Variants in FSTL4 observed in about 807,000 individuals in gnomAD.
FSTL4 encodes the protein follistatin like 4, also known as follistatin-related protein 4.
Under a neutral mutation model 78.2 loss-of-function variants are expected in FSTL4, and 28 were observed. The observed-to-expected ratio is 0.36, with a 90% confidence interval of 0.27 to 0.49. The LOEUF is 0.49. FSTL4 is among the 20% of genes least tolerant of loss of function. The pLI, the probability that FSTL4 is intolerant of heterozygous loss-of-function variation, is 0.98. For missense variants in FSTL4, 922 were observed against 1,084.9 expected (o/e 0.85, Z 2.11); for synonymous variants, 422 against 440.5 (o/e 0.96, Z 0.53).
the FSTL4 span, among the ~76,000 whole-genome samples, chr5:133,650,322 T>C: frequency 6.6e-6 from 1 of 152,216 alleles, no homozygotes. Context: ...AATTATTTCT[T>C]TTATGGGTTG....
intron 6 of FSTL4, among the ~76,000 whole-genome samples, chr5:133,307,639 C>T (rs903625247): frequency 1.3e-5 from 2 of 152,124 alleles, no homozygotes; most frequent in South Asian, 4.1e-4. Context: ...GACTGTGAAC[C>T]CTGTCCTCCA....
chr5:133,348,039 T>C (rs1011506899), intron 4 of FSTL4, among the ~76,000 whole-genome samples: 1 of 152,188 alleles, frequency 6.6e-6, no homozygotes, highest in Non-Finnish European at 1.5e-5. Context: ...GCCAGTGGTT[T>C]TTCATTTTCA....
intron 6 of FSTL4, among the ~76,000 whole-genome samples, chr5:133,296,809 G>A (rs28521242): frequency 0.035 from 5,396 of 152,318 alleles, 284 homozygotes; most frequent in African/African-American, 0.12. Context: ...GAGGGCAAGA[G>A]TTTTTGTCTG....
intron 13 of FSTL4, among the ~76,000 whole-genome samples, chr5:133,213,820 A>C (rs1227605293): frequency 2.0e-5 from 3 of 152,214 alleles, no homozygotes; most frequent in African/African-American, 7.2e-5. Flanking sequence ...TAAGATGATT[A>C]AATTAGATAA....
intron 3 of FSTL4, among the ~76,000 whole-genome samples, chr5:133,551,575 T>C (rs762381486): frequency 6.6e-6 from 1 of 152,218 alleles, no homozygotes; most frequent in African/African-American, 2.4e-5. Flanking sequence ...TCCGCTGAGA[T>C]GTCATCTCTC....
intron 4 of FSTL4, among the ~76,000 whole-genome samples, chr5:133,382,421 G>A (rs929448044): frequency 6.6e-6 from 1 of 152,202 alleles, no homozygotes; most frequent in African/African-American, 2.4e-5. Context: ...ACCTACTTGT[G>A]ATGATTGTTA....
At chr5:133,786,938 G>C in the FSTL4 span, among the ~76,000 whole-genome samples, 1 of 152,154 alleles carries the variant, frequency 6.6e-6, no homozygotes, top group East Asian at 1.9e-4. Context: ...GGCTTAGAAA[G>C]AGGTAAGTGA....
intron 15 of FSTL4, among the ~76,000 whole-genome samples, chr5:133,201,434 T>G (rs1750316612): frequency 6.6e-6 from 1 of 152,204 alleles, no homozygotes; most frequent in Non-Finnish European, 1.5e-5. Context: ...TTATGGGCTG[T>G]GGTTAGATGG....
the FSTL4 span, among the ~76,000 whole-genome samples, chr5:133,716,036 T>G: frequency 1.5e-4 from 23 of 152,222 alleles, no homozygotes; most frequent in Non-Finnish European, 2.6e-4. Context: ...TGTGCAGCAC[T>G]GCTAGAAATC....
chr5:133,467,655 T>C (rs1757744259), intron 3 of FSTL4, among the ~76,000 whole-genome samples: 1 of 152,116 alleles, frequency 6.6e-6, no homozygotes, highest in Non-Finnish European at 1.5e-5. Context: ...TCCATAGGTC[T>C]TGCAGGCAAG....
chr5:133,326,329 A>G (rs1178633426), intron 4 of FSTL4, among the ~76,000 whole-genome samples: 2 of 152,184 alleles, frequency 1.3e-5, no homozygotes, highest in Non-Finnish European at 2.9e-5. Context: ...ATTCCAAGAG[A>G]CTGTTACACA....
At chr5:133,218,875 TGTAA>T (rs973004838) in intron 12 of FSTL4, among the ~76,000 whole-genome samples, 4 of 152,214 alleles carry the variant, frequency 2.6e-5, no homozygotes, top group Non-Finnish European at 5.9e-5. Context: ...TTCACTAGAT[TGTAA>T]GTAAGTTCCT....
chr5:133,284,539 C>T (rs947608230), intron 6 of FSTL4, among the ~76,000 whole-genome samples: 4 of 152,228 alleles, frequency 2.6e-5, no homozygotes, highest in African/African-American at 9.6e-5. Flanking sequence ...CCTCTACATC[C>T]TTGCCATTAT....
rs757109238 is a variant in FSTL4 at position 133,517,479 on chromosome 5, C to CACCACACA, written c.160+49706_160+49707insTGTGTGGT. 1.1e-4 allele frequency among the ~76,000 whole-genome samples: 6 copies of CACCACACA among 55,550 alleles called. 1 individual carries two copies. Among genetic ancestry groups the CACCACACA allele is most frequent in the African/African-American group, 4.0e-4 (5 of 12,538 alleles). 36.4% of individuals were successfully genotyped at this position (55,550 alleles called of 152,430 possible). On this transcript the variant is annotated intron_variant, in intron 3 of 15. Coordinates refer to ENST00000265342, the MANE Select transcript of FSTL4 (RefSeq NM_015082.2). Reference sequence around the variant, plus strand: ...ATATATATATGCACACACACACACACCACACACACACACACACACACACAC... The same window carrying CACCACACA: ...ATATATATATGCACACACACACACACACCACACACACACACACACACACACACACACAC...
intron 3 of FSTL4, among the ~76,000 whole-genome samples, chr5:133,546,677 G>A (rs1037283322): frequency 6.6e-6 from 1 of 152,102 alleles, no homozygotes; most frequent in Non-Finnish European, 1.5e-5. Context: ...GCTGCTCCTT[G>A]CATCATACAC....
the FSTL4 span, among the ~76,000 whole-genome samples, chr5:133,728,849 AGAAAAAGAAAAG>A: frequency 2.6e-4 from 39 of 152,064 alleles, 2 homozygotes; most frequent in Non-Finnish European, 3.4e-4. Flanking sequence ...AAAAGAAAAG[AGAAAAAGAAAAG>A]GAAAAAGAAA....
At chr5:133,662,366 A>C in the FSTL4 span, among the ~76,000 whole-genome samples, 3 of 152,182 alleles carry the variant, frequency 2.0e-5, no homozygotes, top group Admixed American at 2.0e-4. Context: ...ATTACAGTGG[A>C]TATTTTCACT....
chr5:133,653,957 G>A, the FSTL4 span, among the ~76,000 whole-genome samples: 193 of 152,248 alleles, frequency 1.3e-3, no homozygotes, highest in Non-Finnish European at 2.0e-3. Flanking sequence ...TCATTCCTTC[G>A]TTCATTTGCT....
chr5:133,550,902 G>A lies in FSTL4; in HGVS notation c.160+16284C>T, dbSNP rs371878377. 2.5e-4 allele frequency among the ~76,000 whole-genome samples: 38 copies of A among 152,282 alleles called. No homozygotes were observed. In the East Asian group the frequency reaches 6.8e-3, roughly 27 times the overall value. On this transcript the variant is annotated intron_variant, in intron 3 of 15. Transcript: ENST00000265342. ...AGTTTGGCTTCTTTTCACTGTATGA[G>A]CGATGATTTTCTTGTCCTTTTATAT...
Sources: gnomAD v4.1 joint callset for allele counts (sites outside exome capture counted in the v4.1 genomes callset) on GRCh38, gnomAD v4.1.1 for gene constraint, MANE v1.5 for transcripts, NCBI Gene and HGNC (gene_info 2026-07-23, HGNC 2026-07-21) for gene names.